The following CASZ1 variants were observed in gnomAD, a reference collection of about 807,000 sequenced individuals.
CASZ1 encodes zinc finger protein castor homolog 1.
A neutral mutation model predicts 135.2 loss-of-function variants in CASZ1; 28 were observed. That is an observed-to-expected ratio of 0.21 (90% CI 0.15 to 0.28). The LOEUF is 0.28. Ranked by LOEUF, CASZ1 falls within the 10% of genes least tolerant of loss-of-function variation. The pLI is 1.00. For synonymous variants in CASZ1, 1,068 were observed against 1,073.4 expected (o/e 0.99, Z 0.10); for missense variants, 2,161 against 2,453.3 (o/e 0.88, Z 2.52).
intron 18 of CASZ1, 50 bp downstream of exon 18, chr1:10,644,867 G>T (rs1642317451): frequency 1.3e-6 from 2 of 1,564,418 alleles, no homozygotes; most frequent in South Asian, 1.2e-5. Flanking sequence ...CGGGGGCCAT[G>T]GTCTTGATGC....
intron 2 of CASZ1, among the ~76,000 whole-genome samples, chr1:10,723,652 A>G (rs1040476138): frequency 1.3e-5 from 2 of 152,170 alleles, no homozygotes; most frequent in Non-Finnish European, 2.9e-5. Flanking sequence ...GCTTAGAGGA[A>G]AGGACCCTCC....
chr1:10,739,965 C>T lies in CASZ1; in HGVS notation c.-77+20736G>A, dbSNP rs948679582. On this transcript the variant is annotated intron_variant, in intron 2 of 20. Coordinates refer to ENST00000377022, the MANE Select transcript of CASZ1 (RefSeq NM_001079843.3). This position sits in a 1 kb window ranked among gnomAD's most constrained non-coding sequence, Gnocchi z 4.8. The stretch of plus-strand genomic sequence containing the variant: ...AGCCAACCCACCACACAGGTGGAGC[C>T]CATGGACAAGGTCTCATTCCAGTGG... Among the ~76,000 whole-genome samples, 4 of 152,134 alleles carry T rather than the reference C, an allele frequency of 2.6e-5. No individual in the cohort carries two copies. The highest frequency in any genetic ancestry group is 4.4e-5 in the Non-Finnish European group (3 of 68,032).
chr1:10,768,683 C>T (rs1042701197), intron 1 of CASZ1, among the ~76,000 whole-genome samples: 1 of 152,322 alleles, frequency 6.6e-6, no homozygotes, highest in East Asian at 1.9e-4. Context: ...GGAAGCAGAG[C>T]CCTGGCATCA....
rs1015151540 is a variant in CASZ1 at position 10,647,597 on chromosome 1, G to A, written c.3497+204C>T. 2.4e-5 allele frequency: 35 copies of A among 1,433,930 alleles called. 1 individual carries two copies. Among genetic ancestry groups the A allele is most frequent in the Middle Eastern group, 2.6e-4 (1 of 3,880 alleles). 88.8% of individuals were successfully genotyped at this position (1,433,930 alleles called of 1,614,324 possible). A position where few individuals can be genotyped will look rare whatever the true frequency, so the allele number is the denominator to read the frequency against. On this transcript the variant is annotated intron_variant, in intron 16 of 20. Transcript: ENST00000377022. The surrounding 1 kb of genome is among the most constrained non-coding windows in gnomAD (Gnocchi z 4.9). ...CACTGCCGCCACCATCGGCCCACGC[G>A]GGCTGGCCTGCTCTGGGACAGGCAG...
In CASZ1 at chr1:10,647,436, AG is replaced by A; in HGVS notation, c.3497+364del. 8.7e-7 allele frequency: 1 copy of A among 1,155,070 alleles called. No individual in the cohort carries two copies. Among genetic ancestry groups the A allele is most frequent in the Non-Finnish European group, 1.1e-6 (1 of 930,842 alleles). 71.6% of individuals were successfully genotyped at this position (1,155,070 alleles called of 1,614,324 possible). A position where few individuals can be genotyped will look rare whatever the true frequency, so the allele number is the denominator to read the frequency against. The stretch of plus-strand genomic sequence containing the variant: ...ATTCAGCCATGGGTGTGAGCCACAG[AG>A]GAGGCCAATACGGAGGCTCGGAGGG... On this transcript the variant is annotated intron_variant, in intron 16 of 20. Coordinates refer to ENST00000377022, the MANE Select transcript of CASZ1 (RefSeq NM_001079843.3). This position sits in a 1 kb window ranked among gnomAD's most constrained non-coding sequence, Gnocchi z 4.9.
At chr1:10,687,205 T>C (rs284257) in intron 4 of CASZ1, among the ~76,000 whole-genome samples, 9,703 of 152,158 alleles carry the variant, frequency 0.064, 836 homozygotes, top group African/African-American at 0.19. Context: ...CTTAGATCAC[T>C]GAAAGAGCCC....
chr1:10,700,872 T>C lies in CASZ1; in HGVS notation c.-24+4620A>G, dbSNP rs1178868982. On this transcript the variant is annotated intron_variant, in intron 3 of 20. Coordinates refer to ENST00000377022, the MANE Select transcript of CASZ1 (RefSeq NM_001079843.3). The surrounding 1 kb of genome is among the most constrained non-coding windows in gnomAD (Gnocchi z 4.2). ...GTGAATATCCTAAAAACCACTGAATTGTACATTTTAAAAAGGTGAATTTTA... is the reference window on the plus strand; with the variant it reads ...GTGAATATCCTAAAAACCACTGAATCGTACATTTTAAAAAGGTGAATTTTA... 2.6e-5 allele frequency among the ~76,000 whole-genome samples: 4 copies of C among 152,200 alleles called. No individual in the cohort carries two copies. The highest frequency in any genetic ancestry group is 4.8e-5 in the African/African-American group (2 of 41,444).
Position 10,694,679 on chromosome 1 carries a change from C to T in CASZ1, c.-23-767G>A, listed in dbSNP as rs1305819678. ...GCCGGAGTGAATGGGCTCGCGCTCG[C>T]TCGCGCCCCCGCCGCGCGCCCCCGC... is the stretch of plus-strand genomic sequence containing the variant. On this transcript the variant is annotated intron_variant, in intron 3 of 20. Transcript: ENST00000377022. The surrounding 1 kb of genome is among the most constrained non-coding windows in gnomAD (Gnocchi z 6.6). Among the ~76,000 whole-genome samples the T allele has an allele frequency of 3.7e-4, 52 of 141,130 alleles. No homozygotes were observed. The highest frequency in any genetic ancestry group is 1.5e-5 in the Non-Finnish European group (1 of 64,892). 92.6% of individuals were successfully genotyped at this position (141,130 alleles called of 152,430 possible).
At chr1:10,690,374 C>T (rs1028148337) in intron 4 of CASZ1, among the ~76,000 whole-genome samples, 1 of 152,206 alleles carries the variant, frequency 6.6e-6, no homozygotes, top group African/African-American at 2.4e-5. Context: ...TTTGCTCTCT[C>T]AGCTTAGACA....
At chr1:10,672,391 C>T (rs1643433693) in intron 4 of CASZ1, among the ~76,000 whole-genome samples, 1 of 152,082 alleles carries the variant, frequency 6.6e-6, no homozygotes, top group South Asian at 2.1e-4. Flanking sequence ...TCTGCACTTT[C>T]TGGGGCCGAA....
chr1:10,784,109 A>C (rs1378444248), intron 1 of CASZ1, among the ~76,000 whole-genome samples: 2 of 152,130 alleles, frequency 1.3e-5, no homozygotes, highest in Non-Finnish European at 2.9e-5. Flanking sequence ...AGAAGGGCTT[A>C]AGCCCCGTTC....
rs1361959075 is a variant in CASZ1 at position 10,647,193 on chromosome 1, C to G, written c.3497+608G>C. On this transcript the variant is annotated intron_variant, in intron 16 of 20. Coordinates refer to ENST00000377022, the MANE Select transcript of CASZ1 (RefSeq NM_001079843.3). This position sits in a 1 kb window ranked among gnomAD's most constrained non-coding sequence, Gnocchi z 4.9. The stretch of plus-strand genomic sequence containing the variant: ...GCCCCAGTTGCTCAGAGAGGGAGGA[C>G]AGCTGCCACTCAGGCGATATAAATA... 4.1e-6 allele frequency: 4 copies of G among 982,990 alleles called. No individual in the cohort carries two copies. Among genetic ancestry groups the G allele is most frequent in the Non-Finnish European group, 3.6e-6 (3 of 826,986 alleles). The allele number at this position is 982,990 out of a possible 1,614,324, so 60.9% of individuals were successfully genotyped here. A position where few individuals can be genotyped will look rare whatever the true frequency, so the allele number is the denominator to read the frequency against.
rs1642952681 is a variant in CASZ1, at chr1:10,659,871, G to A, written c.1171C>T (p.Pro391Ser). 6.2e-7 allele frequency: 1 copy of A among 1,611,088 alleles called. No homozygotes were observed. The highest frequency in any genetic ancestry group is 1.7e-5 in the Admixed American group (1 of 59,850). ...IQKPGPAKVP[P>S]TPSLAPAPLA... is the part of the protein sequence containing the mutation. The stretch of plus-strand genomic sequence containing the variant: ...GGTGCGGGAGCCAGGCTGGGGGTGG[G>A]CGGAACCTTGGCGGGGCCTGGCTTC... The change falls in exon 6 of 21, where the codon CCC (proline) becomes TCC (serine). Residue 391 changes from proline (P) to serine (S), a missense_variant. By Grantham distance (74) the Pro-to-Ser change is moderately conservative. Coordinates refer to ENST00000377022, the MANE Select transcript of CASZ1 (RefSeq NM_001079843.3).
At chr1:10,664,972 G>A (rs754490852) in intron 5 of CASZ1, 111 bp downstream of exon 5, 11 of 1,225,830 alleles carry the variant, frequency 9.0e-6, no homozygotes, top group East Asian at 8.7e-5. Context: ...ATGAGGGGCC[G>A]GTATTTAGAG....
At chr1:10,779,279 A>ATT (rs386366223) in intron 1 of CASZ1, among the ~76,000 whole-genome samples, 21,749 of 125,068 alleles carry the variant, frequency 0.17, 2,823 homozygotes, top group African/African-American at 0.35. Flanking sequence ...TAATTTTATA[A>ATT]TTTTTTTTTT....
chr1:10,783,246 AGTGTGTGTGTGTGTGT>A (rs70997266), intron 1 of CASZ1, among the ~76,000 whole-genome samples: 4 of 148,044 alleles, frequency 2.7e-5, no homozygotes, highest in Non-Finnish European at 6.0e-5. Flanking sequence ...CCAGTGGAGA[AGTGTGTGTGTGTGTGT>A]GTGTGTGTGT....
At position 10,639,292 on chromosome 1, in the gene CASZ1, C is replaced by G. The variant is rs1642114274; in HGVS notation, c.4930G>C (p.Gly1644Arg). The change falls in exon 21 of 21, where the codon GGC becomes CGC. Residue 1644 changes from glycine (G) to arginine (R), a missense_variant. Around this residue, in one of 7 missense-constraint regions of CASZ1, gnomAD observed 240 missense variants for 321.4 expected, o/e 0.75. Transcript: ENST00000377022. This position sits in a 1 kb window ranked among gnomAD's most constrained non-coding sequence, Gnocchi z 4.0. ...SAAAGLGLAL[G>R]DAGDPGPPDA... The stretch of plus-strand genomic sequence containing the variant: ...GGCGGGCCGGGGTCGCCCGCGTCGC[C>G]CAGCGCCAGGCCCAGGCCGGCGGCC... 1 of 1,284,002 alleles carries G rather than the reference C, an allele frequency of 7.8e-7. No homozygotes were observed. Among genetic ancestry groups the G allele is most frequent in the Admixed American group, 4.3e-5 (1 of 23,192 alleles). 79.5% of individuals were successfully genotyped at this position (1,284,002 alleles called of 1,614,324 possible). A position where few individuals can be genotyped will look rare whatever the true frequency, so the allele number is the denominator to read the frequency against.
chr1:10,659,565 G>A (rs903690686), intron 6 of CASZ1, 137 bp downstream of exon 6: 27 of 679,868 alleles, frequency 4.0e-5, no homozygotes, highest in African/African-American at 3.9e-4. Flanking sequence ...GTGTGCACGC[G>A]CCTGGATGCA....
chr1:10,789,278 T>C (rs927600491), intron 1 of CASZ1, among the ~76,000 whole-genome samples: 2 of 149,084 alleles, frequency 1.3e-5, no homozygotes, highest in Non-Finnish European at 3.0e-5. Flanking sequence ...CTGGGACATC[T>C]TGGGGTCCCC....
Sources: allele counts gnomAD v4.1 joint callset (sites outside exome capture counted in the v4.1 genomes callset), GRCh38; gene constraint gnomAD v4.1.1; regional missense constraint gnomAD v4.1.1; non-coding constraint Gnocchi (gnomAD v3.1); transcripts MANE v1.5; gene names NCBI Gene and HGNC (gene_info 2026-07-23, HGNC 2026-07-21).